Variants in SLC5A1 observed in about 807,000 individuals in gnomAD.
SLC5A1 encodes sodium/glucose cotransporter 1.
In SLC5A1, 42 loss-of-function variants were observed where a neutral mutation model predicts 73.5. The ratio of observed to expected loss-of-function variants is 0.57; its 90% CI spans 0.45 to 0.74. SLC5A1 has a LOEUF of 0.74. SLC5A1 is among the 30% of genes least tolerant of loss of function. The pLI is 0.00. For synonymous variants in SLC5A1, 300 were observed against 317.4 expected (o/e 0.95, Z 0.58); for missense variants, 634 against 855.4 (o/e 0.74, Z 3.23).
At chr22:32,048,991 AC>A (rs1158811499) in intron 1 of SLC5A1, among the ~76,000 whole-genome samples, 6 of 151,386 alleles carry the variant, frequency 4.0e-5, no homozygotes, top group Non-Finnish European at 8.8e-5. Context: ...AATTGCTTGA[AC>A]CCAGGAGGCA....
In SLC5A1 at chr22:32,110,820, G is replaced by C. The variant is rs2149500252; in HGVS notation, c.*607G>C. 1 of 156,478 alleles carries C rather than the reference G, an allele frequency of 6.4e-6. No homozygotes were observed. Among genetic ancestry groups the C allele is most frequent in the African/African-American group, 2.4e-5 (1 of 41,560 alleles). The allele number at this position is 156,478 out of a possible 1,614,324, so 9.7% of individuals were successfully genotyped here. On this transcript the variant is annotated 3_prime_UTR_variant, in exon 15 of 15. Coordinates refer to ENST00000266088, the MANE Select transcript of SLC5A1 (RefSeq NM_000343.4). ...TGAGGAAGGTAGTACTTCCACAAAAGGGAGGGACCCGGGCCCCAGCCTCAA... is the reference window on the plus strand; with the variant it reads ...TGAGGAAGGTAGTACTTCCACAAAACGGAGGGACCCGGGCCCCAGCCTCAA...
chr22:32,095,707 C>T (rs976731696), intron 11 of SLC5A1, among the ~76,000 whole-genome samples: 3 of 152,138 alleles, frequency 2.0e-5, no homozygotes, highest in African/African-American at 7.2e-5. Context: ...CATGGGATGT[C>T]TTTTTCCACC....
At chr22:32,052,775 A>G (rs1476676915) in intron 2 of SLC5A1, among the ~76,000 whole-genome samples, 1 of 151,904 alleles carries the variant, frequency 6.6e-6, no homozygotes, top group Non-Finnish European at 1.5e-5. Flanking sequence ...AAGGCACTTG[A>G]CAAATATGGG....
intron 1 of SLC5A1, among the ~76,000 whole-genome samples, chr22:32,048,661 A>G (rs1322739495): frequency 6.6e-6 from 1 of 152,048 alleles, no homozygotes; most frequent in Non-Finnish European, 1.5e-5. Context: ...CCTCTTCTCT[A>G]ATAAAATTCC....
chr22:32,101,955 A>G, intron 12 of SLC5A1, 67 bp from the exon 13 acceptor site: 1 of 1,285,652 alleles, frequency 7.8e-7, no homozygotes, highest in Non-Finnish European at 1.1e-6. Flanking sequence ...TGCCTCTCCA[A>G]AGAATGTTAG....
chr22:32,063,349 C>CA, intron 2 of SLC5A1, among the ~76,000 whole-genome samples: 1 of 152,284 alleles, frequency 6.6e-6, no homozygotes, highest in East Asian at 1.9e-4. Context: ...TCAGCTGTGT[C>CA]AGTCACAACT....
At position 32,063,888 on chromosome 22, in the gene SLC5A1, G is replaced by C. The variant is rs148096176; in HGVS notation, c.208-3047G>C. Among the ~76,000 whole-genome samples the C allele has an allele frequency of 3.3e-5, 5 of 152,234 alleles. No homozygotes were observed. The East Asian group carries it at 9.7e-4, about 29-fold the overall frequency. ...AATGAGGAAGGTTGTTCCCCTAATA[G>C]AAATGAATAGAACCTGGGCTCAGGA... is the stretch of plus-strand genomic sequence containing the variant. On this transcript the variant is annotated intron_variant, in intron 2 of 14. Coordinates refer to ENST00000266088, the MANE Select transcript of SLC5A1 (RefSeq NM_000343.4).
intron 9 of SLC5A1, among the ~76,000 whole-genome samples, chr22:32,085,938 G>A (rs1021785797): frequency 3.9e-5 from 6 of 152,150 alleles, no homozygotes; most frequent in Admixed American, 2.6e-4. Context: ...TCAGGAGATC[G>A]AGACCATCCT....
intron 8 of SLC5A1, 76 bp from the exon 9 acceptor site, chr22:32,084,824 T>C: frequency 1.2e-6 from 2 of 1,602,394 alleles, no homozygotes; most frequent in Non-Finnish European, 1.7e-6. Flanking sequence ...TGACCCAAGA[T>C]GGCGAAGCTA....
At chr22:32,104,638 A>G (rs765364839) in intron 13 of SLC5A1, 148 bp from the exon 14 acceptor site, 2 of 698,288 alleles carry the variant, frequency 2.9e-6, no homozygotes, top group Non-Finnish European at 5.2e-6. Context: ...AGATAATGTT[A>G]TGGATGAGAA....
intron 2 of SLC5A1, among the ~76,000 whole-genome samples, chr22:32,060,610 C>T (rs1165636613): frequency 6.6e-6 from 1 of 152,058 alleles, no homozygotes; most frequent in East Asian, 1.9e-4. Context: ...TTATTCTGTC[C>T]CCCCAATTGC....
Position 32,110,061 on chromosome 22 carries a change from C to T in SLC5A1, c.1843C>T (p.His615Tyr). 1.9e-6 allele frequency: 3 copies of T among 1,614,062 alleles called. No homozygotes were observed. The highest frequency in any genetic ancestry group is 1.7e-6 in the Non-Finnish European group (2 of 1,179,958). Residue 615 changes from histidine to tyrosine, a missense_variant, in exon 15 of 15, where the codon CAC becomes TAC. His to Tyr is a moderately conservative substitution (Grantham distance 83). Around this residue, in one of 3 missense-constraint regions of SLC5A1, gnomAD observed 161 missense variants for 178.7 expected, o/e 0.90. Transcript: ENST00000266088. The stretch of plus-strand genomic sequence containing the variant: ...TGACCTATTTTGTGGGCTAGAGCAG[C>T]ACGGTGCACCCAAGATGACTGAGGA... The part of the protein sequence containing the change: ...AYDLFCGLEQ[H>Y]GAPKMTEEEE...
chr22:32,051,100 T>C (rs1323809341), intron 2 of SLC5A1, among the ~76,000 whole-genome samples: 1 of 152,158 alleles, frequency 6.6e-6, no homozygotes, highest in Non-Finnish European at 1.5e-5. Flanking sequence ...CACAGCCCAG[T>C]GAGAGACTCT....
At chr22:32,045,287 T>C (rs2093935709) in intron 1 of SLC5A1, among the ~76,000 whole-genome samples, 1 of 152,234 alleles carries the variant, frequency 6.6e-6, no homozygotes, top group African/African-American at 2.4e-5. Flanking sequence ...AGTAGGTGTT[T>C]ATACTTTTTA....
chr22:32,048,799 G>C (rs1216115247), intron 1 of SLC5A1, among the ~76,000 whole-genome samples: 1 of 152,036 alleles, frequency 6.6e-6, no homozygotes, highest in African/African-American at 2.4e-5. Context: ...GGCTGGGTGC[G>C]GTGGCTCACT....
chr22:32,062,781 G>A (rs2093965481), intron 2 of SLC5A1, among the ~76,000 whole-genome samples: 1 of 152,172 alleles, frequency 6.6e-6, no homozygotes, highest in Non-Finnish European at 1.5e-5. Flanking sequence ...ACGCATTGTT[G>A]GTGAGTTCCA....
chr22:32,090,937 C>T (rs2094016231), intron 10 of SLC5A1, among the ~76,000 whole-genome samples: 2 of 152,054 alleles, frequency 1.3e-5, no homozygotes, highest in Admixed American at 1.3e-4. Flanking sequence ...TCATAGCTAT[C>T]CTAGTGGGTA....
intron 14 of SLC5A1, among the ~76,000 whole-genome samples, chr22:32,105,696 T>C (rs893951602): frequency 6.6e-6 from 1 of 152,200 alleles, no homozygotes; most frequent in Admixed American, 6.5e-5. Context: ...ATTTTTTTGT[T>C]GTACCCATTA....
At chr22:32,066,615 A>G (rs1321747504) in intron 2 of SLC5A1, among the ~76,000 whole-genome samples, 1 of 152,202 alleles carries the variant, frequency 6.6e-6, no homozygotes, top group African/African-American at 2.4e-5. Flanking sequence ...ATTTTTAGGG[A>G]GGCCTGGTGG....
Sources: allele counts gnomAD v4.1 joint callset (sites outside exome capture counted in the v4.1 genomes callset), GRCh38; gene constraint gnomAD v4.1.1; regional missense constraint gnomAD v4.1.1; transcripts MANE v1.5; gene names NCBI Gene and HGNC (gene_info 2026-07-23, HGNC 2026-07-21).